The following GALNT13 variants were observed in gnomAD, a reference collection of about 807,000 sequenced individuals.
GALNT13 encodes the protein polypeptide N-acetylgalactosaminyltransferase 13.
A neutral mutation model predicts 64.2 loss-of-function variants in GALNT13; 28 were observed. The ratio of observed to expected loss-of-function variants is 0.44; its 90% confidence interval spans 0.32 to 0.60. GALNT13 has a LOEUF of 0.60. Ranked by LOEUF, GALNT13 falls within the 20% of genes least tolerant of loss-of-function variation. GALNT13 has a pLI of 0.05. For synonymous variants in GALNT13, 214 were observed against 224.6 expected (o/e 0.95, Z 0.42); for missense variants, 577 against 669.8 (o/e 0.86, Z 1.53).
At chr2:153,515,441 C>T in the GALNT13 span, among the ~76,000 whole-genome samples, 1 of 152,116 alleles carries the variant, frequency 6.6e-6, no homozygotes, top group East Asian at 1.9e-4. Context: ...ATATGTTTAC[C>T]CATTCTCCCA....
chr2:154,211,359 G>C (rs927824720), intron 4 of GALNT13, among the ~76,000 whole-genome samples: 1 of 151,866 alleles, frequency 6.6e-6, no homozygotes, highest in Non-Finnish European at 1.5e-5. Context: ...TGGCGCAGTG[G>C]CTCACACCTG....
chr2:154,174,495 C>A (rs1366631813), intron 4 of GALNT13, among the ~76,000 whole-genome samples: 1 of 152,032 alleles, frequency 6.6e-6, no homozygotes, highest in African/African-American at 2.4e-5. Flanking sequence ...GTTCCATGAG[C>A]AAGTTGGAAA....
intron 8 of GALNT13, among the ~76,000 whole-genome samples, chr2:154,285,959 A>G (rs1692241272): frequency 6.6e-6 from 1 of 152,272 alleles, no homozygotes; most frequent in Middle Eastern, 3.4e-3. Flanking sequence ...TGTTATTGTA[A>G]ATGGGATTGT....
chr2:153,336,051 A>C, the GALNT13 span, among the ~76,000 whole-genome samples: 1 of 152,234 alleles, frequency 6.6e-6, no homozygotes, highest in African/African-American at 2.4e-5. Context: ...ATGGACAGAC[A>C]TCAAGAATTG....
the GALNT13 span, among the ~76,000 whole-genome samples, chr2:153,549,133 G>A: frequency 1.3e-5 from 2 of 152,106 alleles, no homozygotes; most frequent in African/African-American, 2.4e-5. Flanking sequence ...AGTGACTGAT[G>A]ATGGGTAGGG....
chr2:153,367,083 G>C, the GALNT13 span, among the ~76,000 whole-genome samples: 1 of 150,638 alleles, frequency 6.6e-6, no homozygotes, highest in Non-Finnish European at 1.5e-5. Flanking sequence ...TGTTTAGACA[G>C]AAGGAATGTA....
the GALNT13 span, among the ~76,000 whole-genome samples, chr2:153,537,974 T>A: frequency 6.6e-6 from 1 of 152,204 alleles, no homozygotes; most frequent in Non-Finnish European, 1.5e-5. Context: ...ATTGCTGTTA[T>A]AAAGGTAGCT....
chr2:154,258,988 G>T (rs2105901256), intron 7 of GALNT13, 33 bp from the exon 8 acceptor site: 1 of 1,116,794 alleles, frequency 9.0e-7, no homozygotes, highest in African/African-American at 1.5e-5. Context: ...GTTTTCAAAA[G>T]ATATTCTTTT....
chr2:153,232,983 C>A, the GALNT13 span, among the ~76,000 whole-genome samples: 1 of 152,206 alleles, frequency 6.6e-6, no homozygotes, highest in East Asian at 1.9e-4. Context: ...CACCTGTATC[C>A]CTTGACCTGT....
chr2:153,427,855 G>T, the GALNT13 span, among the ~76,000 whole-genome samples: 60 of 152,024 alleles, frequency 3.9e-4, 1 homozygote, highest in Middle Eastern at 3.4e-3. Context: ...TCCTTTCCCA[G>T]CTAGAAAATT....
intron 1 of GALNT13, among the ~76,000 whole-genome samples, chr2:153,893,742 A>G (rs901579442): frequency 6.6e-6 from 1 of 152,060 alleles, no homozygotes; most frequent in African/African-American, 2.4e-5. Flanking sequence ...GACAAGCCAT[A>G]ATTTACTTAG....
chr2:154,198,910 A>G (rs1225183989), intron 4 of GALNT13, among the ~76,000 whole-genome samples: 1 of 151,996 alleles, frequency 6.6e-6, no homozygotes, highest in Non-Finnish European at 1.5e-5. Context: ...AGTATTATAA[A>G]TATATCAGAA....
chr2:154,095,332 G>T (rs1483369630), intron 3 of GALNT13, among the ~76,000 whole-genome samples: 2 of 151,578 alleles, frequency 1.3e-5, no homozygotes, highest in African/African-American at 4.8e-5. Context: ...GATGCTATAG[G>T]AGATATTTAC....
chr2:153,503,964 T>A, the GALNT13 span, among the ~76,000 whole-genome samples: 4 of 152,200 alleles, frequency 2.6e-5, no homozygotes, highest in African/African-American at 9.7e-5. Flanking sequence ...ATTTGTAGAT[T>A]GCTTTTGGCA....
chr2:154,259,023 C>G lies in GALNT13; in HGVS notation c.860C>G (p.Thr287Ser). ...RKGDRTLPVR[T>S]PTMAGGLFSI... is the part of the protein sequence containing the mutation. ...TCTTTTTGTTTTTTTTCAACTAGGACCCCTACTATGGCTGGTGGCCTATTT... is the reference window on the plus strand; with the variant it reads ...TCTTTTTGTTTTTTTTCAACTAGGAGCCCTACTATGGCTGGTGGCCTATTT... Residue 287 changes from threonine to serine, a missense_variant and splice_region_variant, in exon 8 of 13, where the codon ACC becomes AGC. Thr to Ser is a moderately conservative substitution (Grantham distance 58, BLOSUM62 1). Around this residue, in one of 3 missense-constraint regions of GALNT13, gnomAD observed 341 missense variants for 379.3 expected, o/e 0.90. Transcript: ENST00000392825. The G allele has an allele frequency of 6.5e-7, 1 of 1,537,724 alleles. No individual in the cohort carries two copies. The highest frequency in any genetic ancestry group is 9.0e-7 in the Non-Finnish European group (1 of 1,112,734).
At chr2:153,881,503 A>T (rs896179846) in intron 1 of GALNT13, among the ~76,000 whole-genome samples, 1 of 152,126 alleles carries the variant, frequency 6.6e-6, no homozygotes, top group Non-Finnish European at 1.5e-5. Flanking sequence ...ATTGGATGGT[A>T]CAGCTGAATT....
At chr2:153,196,325 T>G in the GALNT13 span, among the ~76,000 whole-genome samples, 4,633 of 151,962 alleles carry the variant, frequency 0.03, 95 homozygotes, top group Middle Eastern at 0.048. Flanking sequence ...TCCCCCTGTA[T>G]GCTTGTCAGT....
At chr2:153,442,739 C>T in the GALNT13 span, among the ~76,000 whole-genome samples, 14 of 152,178 alleles carry the variant, frequency 9.2e-5, no homozygotes, top group African/African-American at 3.4e-4. Flanking sequence ...CAGAGATGCC[C>T]TGCCCAGAGA....
chr2:153,077,729 T>G, the GALNT13 span, among the ~76,000 whole-genome samples: 26 of 152,160 alleles, frequency 1.7e-4, no homozygotes, highest in Non-Finnish European at 3.4e-4. Flanking sequence ...ACAATAAAAT[T>G]TAAGGAAGTT....
Sources: allele counts gnomAD v4.1 joint callset (sites outside exome capture counted in the v4.1 genomes callset), GRCh38; gene constraint gnomAD v4.1.1; regional missense constraint gnomAD v4.1.1; transcripts MANE v1.5; gene names NCBI Gene and HGNC (gene_info 2026-07-23, HGNC 2026-07-21).